MARS1: variants seen among roughly 807,000 people sequenced by gnomAD.
The protein encoded by MARS1 is methionine--tRNA ligase, cytoplasmic.
Under a neutral mutation model 119.5 loss-of-function variants are expected in MARS1, and 80 were observed. The observed-to-expected ratio is 0.67, with a 90% CI of 0.56 to 0.81. The LOEUF is 0.81. MARS1 is among the 30% of genes least tolerant of loss of function. The probability of loss-of-function intolerance (pLI) is 0.00; values close to 1 mark genes in which losing one functional copy is unlikely to be tolerated. For synonymous variants in MARS1, 418 were observed against 433.4 expected, an observed-to-expected ratio of 0.96 and a Z score of 0.44; for missense variants, 945 against 1,116.5, an observed-to-expected ratio of 0.85 and a Z score of 2.19.
At chr12:57,493,167 C>T (rs889221133) in intron 7 of MARS1, among the ~76,000 whole-genome samples, 2 of 149,134 alleles carry the variant, frequency 1.3e-5, no homozygotes, top group Non-Finnish European at 3.0e-5. Flanking sequence ...TTTGTAAGCT[C>T]ATTGAAGGTA....
chr12:57,507,034 T>A lies in MARS1; in HGVS notation c.1368+2735T>A, dbSNP rs372323805. ...TGTTTGTGTCCCTGGGTACTTGAGATTAGGGAGTGGTGATGACTCTTAACG... is the reference window on the plus strand; with the variant it reads ...TGTTTGTGTCCCTGGGTACTTGAGAATAGGGAGTGGTGATGACTCTTAACG... On this transcript the variant is annotated intron_variant, in intron 11 of 20. Transcript: ENST00000262027. Among the ~76,000 whole-genome samples, 15 of 149,298 alleles carry A rather than the reference T, an allele frequency of 1.0e-4. No homozygotes were observed. In the East Asian group the frequency reaches 1.8e-3, roughly 18 times the overall value.
At chr12:57,507,757 A>G (rs1432332427) in intron 11 of MARS1, among the ~76,000 whole-genome samples, 3 of 103,592 alleles carry the variant, frequency 2.9e-5, no homozygotes, top group African/African-American at 4.1e-5. Flanking sequence ...GCGGGGGCTG[A>G]CCCCCCACCT....
chr12:57,505,683 G>A (rs980484964), intron 11 of MARS1, among the ~76,000 whole-genome samples: 33 of 151,838 alleles, frequency 2.2e-4, no homozygotes, highest in African/African-American at 7.8e-4. Flanking sequence ...ATGGTGGTGC[G>A]ATCCTGTAGT....
chr12:57,488,689 G>A, intron 1 of MARS1: 1 of 1,529,406 alleles, frequency 6.5e-7, no homozygotes. Flanking sequence ...TTTTAATTTT[G>A]TTCTCCCACT....
chr12:57,488,223 C>G (rs759539337), intron 1 of MARS1, 24 bp downstream of exon 1: 3 of 1,591,066 alleles, frequency 1.9e-6, no homozygotes, highest in Non-Finnish European at 2.6e-6. Flanking sequence ...TGCTGGTGGG[C>G]GGTGGATGGG....
intron 4 of MARS1, 89 bp downstream of exon 4, chr12:57,489,647 AC>A (rs1875774774): frequency 1.3e-6 from 2 of 1,525,392 alleles, no homozygotes; most frequent in Admixed American, 3.6e-5. Context: ...CGAACCCAAC[AC>A]TGCCACTTAC....
chr12:57,493,854 A>AT lies in MARS1; in HGVS notation c.770+3211dup, dbSNP rs1177005757. Among the ~76,000 whole-genome samples the AT allele has an allele frequency of 1.6e-3, 8 of 5,022 alleles. 2 individuals carry two copies. The Non-Finnish European group carries it at 0.033, about 20-fold the overall frequency. 3.3% of individuals were successfully genotyped at this position (5,022 alleles called of 152,430 possible). On this transcript the variant is annotated intron_variant, in intron 7 of 20. Coordinates refer to ENST00000262027, the MANE Select transcript of MARS1 (RefSeq NM_004990.4). ...TTATATATTATAATATATAATATAT[A>AT]TATTTATATTATATAATATATATAA...
intron 7 of MARS1, among the ~76,000 whole-genome samples, chr12:57,496,129 G>C (rs1876617776): frequency 6.6e-6 from 1 of 151,816 alleles, no homozygotes; most frequent in African/African-American, 2.4e-5. Flanking sequence ...CTCCCAAAGT[G>C]CTGGGATTAC....
At chr12:57,490,407 C>G (rs1257119742) in intron 6 of MARS1, 28 bp downstream of exon 6, 2 of 1,611,228 alleles carry the variant, frequency 1.2e-6, no homozygotes, top group African/African-American at 2.7e-5. Context: ...GCCTTGGGGC[C>G]TGAGGTGGGA....
At chr12:57,500,662 C>G (rs1014744934) in intron 10 of MARS1, 140 bp downstream of exon 10, 1 of 725,656 alleles carries the variant, frequency 1.4e-6, no homozygotes, top group South Asian at 1.8e-5. Flanking sequence ...CTCAGCAACT[C>G]GTCATTTAGT....
At position 57,516,420 on chromosome 12, in the gene MARS1, C is replaced by A; in HGVS notation, c.2557-15C>A. The A allele has an allele frequency of 6.2e-7, 1 of 1,612,712 alleles. No individual in the cohort carries two copies. On this transcript the variant is annotated splice_polypyrimidine_tract_variant and intron_variant, in intron 20 of 20. Coordinates refer to ENST00000262027, the MANE Select transcript of MARS1 (RefSeq NM_004990.4). Reference sequence around the variant, plus strand: ...TCTTGCCTCACTGTTACCTCCCCACCCCCCTTTATCTTAGGGAAACATTGT... The same window carrying A: ...TCTTGCCTCACTGTTACCTCCCCACACCCCTTTATCTTAGGGAAACATTGT...
Position 57,500,386 on chromosome 12 carries a change from A to C in MARS1, c.1157A>C (p.Gln386Pro). The C allele has an allele frequency of 6.2e-7, 1 of 1,614,232 alleles. No individual in the cohort carries two copies. Among genetic ancestry groups the C allele is most frequent in the Non-Finnish European group, 8.5e-7 (1 of 1,180,048 alleles). ...TTTGTGCTGCAAGATACTGTGGAGCAACTGCGATGTGAGCACTGTGCTCGC... is the reference window on the plus strand; with the variant it reads ...TTTGTGCTGCAAGATACTGTGGAGCCACTGCGATGTGAGCACTGTGCTCGC... ...RGFVLQDTVE[Q>P]LRCEHCARFL... The change falls in exon 10 of 21, where the codon CAA (glutamine) becomes CCA (proline). Residue 386 changes from glutamine (Q) to proline (P), a missense_variant. Coordinates refer to ENST00000262027, the MANE Select transcript of MARS1 (RefSeq NM_004990.4).
intron 11 of MARS1, among the ~76,000 whole-genome samples, chr12:57,504,656 A>G (rs1009730019): frequency 2.0e-5 from 3 of 148,370 alleles, no homozygotes; most frequent in African/African-American, 7.5e-5. Flanking sequence ...GGACCAAGCA[A>G]TCCTCTCACC....
At chr12:57,508,905 G>A (rs1364911169) in intron 11 of MARS1, among the ~76,000 whole-genome samples, 1 of 152,114 alleles carries the variant, frequency 6.6e-6, no homozygotes, top group South Asian at 2.1e-4. Context: ...TTTGCTCTTC[G>A]TGAACAAAAT....
At chr12:57,510,929 C>G (rs1259345932) in intron 11 of MARS1, among the ~76,000 whole-genome samples, 1 of 151,956 alleles carries the variant, frequency 6.6e-6, no homozygotes, top group Non-Finnish European at 1.5e-5. Context: ...CAAAAATTAA[C>G]CAGGTGTGGT....
chr12:57,510,700 G>A (rs547050990), intron 11 of MARS1, among the ~76,000 whole-genome samples: 1 of 152,194 alleles, frequency 6.6e-6, no homozygotes, highest in African/African-American at 2.4e-5. Flanking sequence ...GGAGGCTGAG[G>A]CAGGAGGATC....
In MARS1 at chr12:57,489,500, G is replaced by A; in HGVS notation, c.356G>A (p.Arg119Lys). The change falls in exon 4 of 21, where the codon AGA becomes AAA. Residue 119 changes from arginine to lysine, a missense_variant. Coordinates refer to ENST00000262027, the MANE Select transcript of MARS1 (RefSeq NM_004990.4). Reference protein sequence around the residue: ...KGEDVLGSVRRALTHIDHSLS... With the variant: ...KGEDVLGSVRKALTHIDHSLS... ...GAAGATGTTCTTGGTTCAGTGCGGAGAGCCCTGACTCACATTGACCACAGC... is the reference window on the plus strand; with the variant it reads ...GAAGATGTTCTTGGTTCAGTGCGGAAAGCCCTGACTCACATTGACCACAGC... 2 of 1,614,160 alleles carry A rather than the reference G, an allele frequency of 1.2e-6. No individual in the cohort carries two copies. Among genetic ancestry groups the A allele is most frequent in the South Asian group, 1.1e-5 (1 of 91,088 alleles).
Position 57,514,765 on chromosome 12 carries a change from G to A in MARS1, c.2013G>A (p.Glu671=). ...VSKFFGGYVP[E]MVLTPDDQRL... Reference sequence around the variant, plus strand: ...AGTTCTTTGGGGGCTATGTGCCTGAGATGGTGCTCACCCCTGATGATCAGC... The same window carrying A: ...AGTTCTTTGGGGGCTATGTGCCTGAAATGGTGCTCACCCCTGATGATCAGC... Residue 671 remains glutamate (E), a synonymous_variant, in exon 16 of 21, where the codon GAG becomes GAA. Coordinates refer to ENST00000262027, the MANE Select transcript of MARS1 (RefSeq NM_004990.4). 1 of 1,614,206 alleles carries A rather than the reference G, an allele frequency of 6.2e-7. No homozygotes were observed. Among genetic ancestry groups the A allele is most frequent in the Non-Finnish European group, 8.5e-7 (1 of 1,180,044 alleles).
chr12:57,511,630 T>C (rs925022657), intron 11 of MARS1, 68 bp from the exon 12 acceptor site: 25 of 1,548,940 alleles, frequency 1.6e-5, no homozygotes, highest in Non-Finnish European at 2.0e-5. Flanking sequence ...AAAGGTTATA[T>C]GTGTTTATCC....
Sources: gnomAD v4.1 joint callset for allele counts (sites outside exome capture counted in the v4.1 genomes callset) on GRCh38, gnomAD v4.1.1 for gene constraint, MANE v1.5 for transcripts, NCBI Gene and HGNC (gene_info 2026-07-23, HGNC 2026-07-21) for gene names.